Variants in CLASP2 observed in about 807,000 individuals in gnomAD.
CLASP2 encodes the protein cytoplasmic linker associated protein 2, also known as CLIP-associating protein 2.
Under a neutral mutation model 194.4 loss-of-function variants are expected in CLASP2, and 47 were observed. That is an observed-to-expected ratio of 0.24 (90% CI 0.19 to 0.31). The LOEUF is 0.31. CLASP2 is among the 10% of genes least tolerant of loss of function. CLASP2 has a pLI of 1.00. For synonymous variants in CLASP2, 619 were observed against 633.5 expected (o/e 0.98, Z 0.34); for missense variants, 1,445 against 1,823.6 (o/e 0.79, Z 3.78).
At chr3:33,714,278 A>G (rs1575809575) in intron 1 of CLASP2, among the ~76,000 whole-genome samples, 1 of 152,348 alleles carries the variant, frequency 6.6e-6, no homozygotes, top group Non-Finnish European at 1.5e-5. Flanking sequence ...TGTTCTTAGT[A>G]AAAGTCAAAT....
intron 27 of CLASP2, among the ~76,000 whole-genome samples, chr3:33,566,300 T>C (rs1175520194): frequency 6.6e-6 from 1 of 152,216 alleles, no homozygotes; most frequent in Non-Finnish European, 1.5e-5. Context: ...AAAATGTCAT[T>C]TGTGGGAAGG....
rs111241835 is a variant in CLASP2 at position 33,559,762 on chromosome 3, C to T, written c.2931-377G>A. Among the ~76,000 whole-genome samples, 1,490 of 152,076 alleles carry T rather than the reference C, an allele frequency of 9.8e-3. 12 individuals carry two copies. Among genetic ancestry groups the T allele is most frequent in the South Asian group, 0.03 (145 of 4,808 alleles). On this transcript the variant is annotated intron_variant, in intron 28 of 38. Transcript: ENST00000682230. ...ATACAAAATTAGCCAGGCATGGTGG[C>T]GCATGTCTGTAATCTCAGCTACTCG...
At position 33,689,190 on chromosome 3, in the gene CLASP2, A is replaced by G. The variant is rs536490765; in HGVS notation, c.378+639T>C. On this transcript the variant is annotated intron_variant, in intron 3 of 38. Transcript: ENST00000682230. ...TTAAGAAATTACAAAAAAAAAAAAA[A>G]TCTTAAATGTGAGTAACCTGACTCA... Among the ~76,000 whole-genome samples, 234 of 152,042 alleles carry G rather than the reference A, an allele frequency of 1.5e-3. 1 individual carries two copies. Among genetic ancestry groups the G allele is most frequent in the African/African-American group, 5.2e-3 (215 of 41,516 alleles).
intron 31 of CLASP2, among the ~76,000 whole-genome samples, chr3:33,544,184 T>C (rs1355036448): frequency 6.6e-6 from 1 of 152,178 alleles, no homozygotes; most frequent in Admixed American, 6.5e-5. Context: ...CACACAAATA[T>C]ACATATTTCA....
chr3:33,594,985 AAAC>A lies in CLASP2; in HGVS notation c.1949-20_1949-18del, dbSNP rs546919037. 76 of 1,427,614 alleles carry A rather than the reference AAAC, an allele frequency of 5.3e-5. No homozygotes were observed. The African/African-American group carries it at 6.5e-4, about 12-fold the overall frequency. The allele number at this position is 1,427,614 out of a possible 1,614,324, so 88.4% of individuals were successfully genotyped here. A position where few individuals can be genotyped will look rare whatever the true frequency, so the allele number is the denominator to read the frequency against. ...ATGCTGTTCCTAAATAAGAAAAATA[AAAC>A]AACATTTCAACAAATTCTGCCAATG... is the stretch of plus-strand genomic sequence containing the variant. On this transcript the variant is annotated intron_variant, in intron 19 of 38. Coordinates refer to ENST00000682230, the MANE Select transcript of CLASP2 (RefSeq NM_001365631.1).
intron 38 of CLASP2, among the ~76,000 whole-genome samples, chr3:33,500,347 C>T (rs1298426682): frequency 6.6e-6 from 1 of 152,046 alleles, no homozygotes; most frequent in Non-Finnish European, 1.5e-5. Context: ...TAACGTTATT[C>T]CAAAATATTT....
intron 7 of CLASP2, among the ~76,000 whole-genome samples, chr3:33,661,503 A>G (rs1441309924): frequency 6.6e-6 from 1 of 152,230 alleles, no homozygotes; most frequent in East Asian, 1.9e-4. Context: ...GTATTTCAGA[A>G]GTAGAAATGT....
chr3:33,683,912 C>A (rs2090214243), intron 6 of CLASP2, among the ~76,000 whole-genome samples: 1 of 143,694 alleles, frequency 7.0e-6, no homozygotes, highest in Non-Finnish European at 1.5e-5. Flanking sequence ...TGCACTCCAG[C>A]CTGAGCAAGA....
intron 29 of CLASP2, chr3:33,554,998 A>C (rs2060673166): frequency 6.6e-6 from 1 of 152,198 alleles, no homozygotes; most frequent in African/African-American, 2.4e-5. Flanking sequence ...AAAACAACAA[A>C]AAGAGACCTG....
chr3:33,569,358 G>C (rs1488225724), intron 26 of CLASP2, among the ~76,000 whole-genome samples: 2 of 152,164 alleles, frequency 1.3e-5, no homozygotes, highest in African/African-American at 4.8e-5. Flanking sequence ...TCTAGCTTTG[G>C]TCTTATATCT....
At chr3:33,678,649 T>A (rs1353987710) in intron 6 of CLASP2, among the ~76,000 whole-genome samples, 1 of 152,090 alleles carries the variant, frequency 6.6e-6, no homozygotes, top group African/African-American at 2.4e-5. Flanking sequence ...AAGGAGTTCT[T>A]TAGAGAGAAG....
At chr3:33,576,378 A>C in intron 23 of CLASP2, 103 bp from the exon 24 acceptor site, 1 of 766,602 alleles carries the variant, frequency 1.3e-6, no homozygotes. Context: ...AAAAAAACCA[A>C]TGGGGCAAAG....
intron 6 of CLASP2, among the ~76,000 whole-genome samples, chr3:33,681,896 G>A (rs765493699): frequency 2.6e-4 from 39 of 152,192 alleles, no homozygotes; most frequent in Non-Finnish European, 4.6e-4. Context: ...AGGGAAGAGT[G>A]AATGAGTTCT....
chr3:33,549,742 CTTTTT>C (rs139359537), intron 30 of CLASP2, among the ~76,000 whole-genome samples: 1 of 142,278 alleles, frequency 7.0e-6, no homozygotes, highest in East Asian at 2.1e-4. Context: ...TACTTTTTTT[CTTTTT>C]TTTTTTTTTA....
At chr3:33,585,463 T>C (rs937502432) in intron 21 of CLASP2, among the ~76,000 whole-genome samples, 1 of 152,338 alleles carries the variant, frequency 6.6e-6, no homozygotes, top group East Asian at 1.9e-4. Flanking sequence ...ACAAATCCTA[T>C]ACAGTATGCC....
intron 9 of CLASP2, among the ~76,000 whole-genome samples, chr3:33,629,531 G>A (rs2078673587): frequency 6.6e-6 from 1 of 152,068 alleles, no homozygotes; most frequent in Non-Finnish European, 1.5e-5. Context: ...ACAGAGACAG[G>A]CTGGCTGATG....
chr3:33,591,034 G>A (rs1232383406), intron 21 of CLASP2, among the ~76,000 whole-genome samples: 2 of 151,756 alleles, frequency 1.3e-5, no homozygotes, highest in African/African-American at 4.8e-5. Context: ...AAATTAGCCG[G>A]GAGTGGTGGC....
intron 25 of CLASP2, 24 bp from the exon 26 acceptor site, chr3:33,570,814 A>C: frequency 1.3e-6 from 2 of 1,549,016 alleles, no homozygotes; most frequent in Non-Finnish European, 1.7e-6. Flanking sequence ...ACAGCGGTTA[A>C]TTAATATCTT....
rs34304858 is a variant in CLASP2 at position 33,581,015 on chromosome 3, C to CAA, written c.2347+804_2347+805dup. Among the ~76,000 whole-genome samples the CAA allele has an allele frequency of 8.9e-3, 512 of 57,350 alleles. 30 individuals are homozygous for CAA. The highest frequency in any genetic ancestry group is 0.018 in the East Asian group (34 of 1,878). 37.6% of individuals were successfully genotyped at this position (57,350 alleles called of 152,430 possible). A position where few individuals can be genotyped will look rare whatever the true frequency, so the allele number is the denominator to read the frequency against. On this transcript the variant is annotated intron_variant, in intron 23 of 38. Transcript: ENST00000682230. The stretch of plus-strand genomic sequence containing the variant: ...TGGGTGACAGAGCGAGACTCCGTCT[C>CAA]AAAAAAAAAAAAAAAAGAAAGAAAG...
Sources: gnomAD v4.1 joint callset for allele counts (sites outside exome capture counted in the v4.1 genomes callset) on GRCh38, gnomAD v4.1.1 for gene constraint, MANE v1.5 for transcripts, NCBI Gene and HGNC (gene_info 2026-07-23, HGNC 2026-07-21) for gene names.